The following C12orf76 variants were observed in gnomAD, a reference collection of about 807,000 sequenced individuals.
The protein encoded by C12orf76 is chromosome 12 open reading frame 76.
C12orf76 carries 6 observed loss-of-function variants against 6.8 expected under a neutral mutation model. That is an observed-to-expected ratio of 0.88 (90% confidence interval 0.48 to 1.73). C12orf76 has a LOEUF of 1.73. Ranked by LOEUF, C12orf76 falls within the 40% of genes most tolerant of loss-of-function variation. C12orf76 has a pLI of 0.01. For synonymous variants in C12orf76, 56 were observed against 43.7 expected, an observed-to-expected ratio of 1.28 and a Z score of -1.11; for missense variants, 99 against 98.2, an observed-to-expected ratio of 1.01 and a Z score of -0.03.
At chr12:110,050,919 G>C, upstream of C12orf76, 1 of 671,430 alleles carries the variant, frequency 1.5e-6, no homozygotes. Flanking sequence ...ACCACAGAAG[G>C]GACTATAGTG....
chr12:110,051,241 T>C, upstream of C12orf76: 1 of 757,846 alleles, frequency 1.3e-6, no homozygotes. Context: ...GCAGGCCACT[T>C]CCGTTCCAAT....
At chr12:110,070,431 T>C (rs1425504640), upstream of C12orf76, among the ~76,000 whole-genome samples, 1 of 151,970 alleles carries the variant, frequency 6.6e-6, no homozygotes, top group Non-Finnish European at 1.5e-5. Flanking sequence ...CCAGGCGTCA[T>C]GGCATGTGCC....
At position 110,042,120 on chromosome 12, in the gene C12orf76, CT is replaced by C. The variant is rs774582060; in HGVS notation, c.*253del. On this transcript the variant is annotated 3_prime_UTR_variant, in exon 2 of 2. Transcript: ENST00000615315. ...TCCATCTTTACACTGACCTTTGGAG[CT>C]TTCAGGTCTTACTTTTAACAAGTAC... The C allele has an allele frequency of 1.2e-4, 63 of 539,206 alleles. No homozygotes were observed. Among genetic ancestry groups the C allele is most frequent in the Middle Eastern group, 4.9e-4 (1 of 2,054 alleles). The allele number at this position is 539,206 out of a possible 1,614,324, so 33.4% of individuals were successfully genotyped here.
At chr12:110,042,995 G>A (rs533181543) in intron 1 of C12orf76, among the ~76,000 whole-genome samples, 1 of 151,986 alleles carries the variant, frequency 6.6e-6, no homozygotes, top group African/African-American at 2.4e-5. Context: ...CAGGAGAATC[G>A]CTTGAACCCG....
chr12:110,068,191 G>A (rs113494427), upstream of C12orf76, among the ~76,000 whole-genome samples: 320 of 149,888 alleles, frequency 2.1e-3, 2 homozygotes, highest in African/African-American at 6.9e-3. Flanking sequence ...GCAACAAGAG[G>A]GAAACTCCGT....
chr12:110,066,033 C>T (rs1892853103), exon 2 of C12orf76: 1 of 1,577,438 alleles, frequency 6.3e-7, no homozygotes, highest in East Asian at 2.3e-5. Flanking sequence ...TCTCACATCA[C>T]CTAGGTGTCA....
exon 1 of C12orf76, chr12:110,073,490 G>T: frequency 1.9e-6 from 1 of 521,544 alleles, no homozygotes; most frequent in South Asian, 1.4e-5. Context: ...GGATCCGGGC[G>T]ACTTTGTTTG....
At chr12:110,061,783 G>A (rs1205667456) in intron 2 of C12orf76, among the ~76,000 whole-genome samples, 3 of 151,472 alleles carry the variant, frequency 2.0e-5, no homozygotes, top group Non-Finnish European at 4.4e-5. Flanking sequence ...TGATCCACCC[G>A]CCTCAGCCTC....
At chr12:110,068,294 AG>A (rs1892910653), upstream of C12orf76, among the ~76,000 whole-genome samples, 2 of 145,964 alleles carry the variant, frequency 1.4e-5, no homozygotes, top group Non-Finnish European at 3.1e-5. Flanking sequence ...AAGAAGAAGA[AG>A]AAGAAGAAGA....
intron 3 of C12orf76, among the ~76,000 whole-genome samples, chr12:110,058,189 TAC>T (rs1892706268): frequency 6.6e-6 from 1 of 151,620 alleles, no homozygotes; most frequent in Non-Finnish European, 1.5e-5. Context: ...CAAACAGATA[TAC>T]TGATGTTACA....
chr12:110,067,502 C>T lies in C12orf76; in HGVS notation n.194G>A, dbSNP rs1892886423. On this transcript the variant is annotated non_coding_transcript_exon_variant, in exon 1 of 5. Coordinates refer to the C12orf76 transcript ENST00000309050. ...TTTGTCTGCCTACCCTCCTCACTTCCTTTTCCCATTTTGTCTGGTAACAGG... is the reference window on the plus strand; with the variant it reads ...TTTGTCTGCCTACCCTCCTCACTTCTTTTTCCCATTTTGTCTGGTAACAGG... The T allele has an allele frequency of 4.1e-6, 4 of 985,432 alleles. No individual in the cohort carries two copies. The African/African-American group carries it at 7.0e-5, about 17-fold the overall frequency. The allele number at this position is 985,432 out of a possible 1,614,324, so 61.0% of individuals were successfully genotyped here. A position where few individuals can be genotyped will look rare whatever the true frequency, so the allele number is the denominator to read the frequency against.
upstream of C12orf76, among the ~76,000 whole-genome samples, chr12:110,068,256 G>GAAGAAGAAGAAGAA (rs1555253377): frequency 4.0e-3 from 264 of 65,740 alleles, 6 homozygotes; most frequent in African/African-American, 0.016. Context: ...GAAAGAAGAA[G>GAAGAAGAAGAAGAA]AAGAAGAAGA....
At chr12:110,044,865 T>C (rs1276290272) in intron 1 of C12orf76, among the ~76,000 whole-genome samples, 1 of 151,148 alleles carries the variant, frequency 6.6e-6, no homozygotes, top group African/African-American at 2.4e-5. Flanking sequence ...CCCAGCTACT[T>C]GGGAGGCTGA....
upstream of C12orf76, among the ~76,000 whole-genome samples, chr12:110,053,472 C>A (rs1263772147): frequency 6.6e-6 from 1 of 152,116 alleles, no homozygotes; most frequent in Admixed American, 6.6e-5. Context: ...GCACTCCAAT[C>A]TGGGTCACAA....
chr12:110,064,466 G>A (rs1346157771), intron 2 of C12orf76, among the ~76,000 whole-genome samples: 2 of 152,194 alleles, frequency 1.3e-5, no homozygotes. Flanking sequence ...GCCAATACAT[G>A]TCACATGCTA....
chr12:110,043,816 C>T (rs1435933960), intron 1 of C12orf76, among the ~76,000 whole-genome samples: 1 of 151,202 alleles, frequency 6.6e-6, no homozygotes, highest in Non-Finnish European at 1.5e-5. Flanking sequence ...GCTTATACCA[C>T]TGCACTCCAG....
intron 1 of C12orf76, among the ~76,000 whole-genome samples, chr12:110,045,249 T>C (rs1892419020): frequency 6.6e-6 from 1 of 152,216 alleles, no homozygotes; most frequent in African/African-American, 2.4e-5. Flanking sequence ...TCTTATTCCA[T>C]TTAAGAACAT....
At chr12:110,048,087 G>A (rs906135125) in intron 1 of C12orf76, among the ~76,000 whole-genome samples, 1 of 152,212 alleles carries the variant, frequency 6.6e-6, no homozygotes, top group Admixed American at 6.5e-5. Context: ...TGTAATCCCA[G>A]CTACTCGGCA....
At chr12:110,072,640 C>T (rs1231664979), upstream of C12orf76, among the ~76,000 whole-genome samples, 1 of 151,936 alleles carries the variant, frequency 6.6e-6, no homozygotes, top group Admixed American at 6.6e-5. Flanking sequence ...AAACAAAAAC[C>T]AGCCAGACAC....
Sources: allele counts gnomAD v4.1 joint callset (sites outside exome capture counted in the v4.1 genomes callset), GRCh38; gene constraint gnomAD v4.1.1; transcripts MANE v1.5; gene names NCBI Gene and HGNC (gene_info 2026-07-23, HGNC 2026-07-21).